The following GTF2I variants were observed in gnomAD, a reference collection of about 807,000 sequenced individuals.
The protein encoded by GTF2I is general transcription factor IIi.
GTF2I carries 12 observed loss-of-function variants against 67.6 expected under a neutral mutation model. The observed-to-expected ratio is 0.18, with a 90% CI of 0.11 to 0.29. The LOEUF (loss-of-function observed/expected upper bound fraction) is 0.29, where lower values mean the gene tolerates loss of function less well. Among genes scored for constraint, GTF2I ranks in the 10% least tolerant of loss-of-function variants. The pLI, the probability that GTF2I is intolerant of heterozygous loss-of-function variation, is 1.00. For missense variants in GTF2I, 271 were observed against 580.1 expected, an observed-to-expected ratio of 0.47 and a Z score of 5.47; for synonymous variants, 149 against 197.0, an observed-to-expected ratio of 0.76 and a Z score of 2.04.
chr7:74,680,641 C>A (rs1388666884), intron 1 of GTF2I, among the ~76,000 whole-genome samples: 2 of 152,040 alleles, frequency 1.3e-5, no homozygotes, highest in African/African-American at 4.8e-5. Flanking sequence ...AGTAGGGATG[C>A]TGAGGTGGGA....
Position 74,714,916 on chromosome 7 carries a change from G to A in GTF2I, c.823G>A (p.Gly275Arg), listed in dbSNP as rs1284748851. The change falls in exon 10 of 35, where the codon GGA (glycine) becomes AGA (arginine). Residue 275 changes from glycine to arginine, a missense_variant and splice_region_variant. This residue lies in a region of GTF2I where 124 missense variants were observed against 147.0 expected (regional missense o/e 0.84). Transcript: ENST00000573035. ...EKQPLSKPLQ[G>R]SHHSSEGNEG... Reference sequence around the variant, plus strand: ...ACAGCCCCTATCGAAGCCTTTGCAAGGTATAATCTTTTCACTTCCATTCTC... The same window carrying A: ...ACAGCCCCTATCGAAGCCTTTGCAAAGTATAATCTTTTCACTTCCATTCTC... 6.3e-7 allele frequency: 1 copy of A among 1,587,714 alleles called. No homozygotes were observed. The highest frequency in any genetic ancestry group is 1.4e-5 in the African/African-American group (1 of 74,016).
chr7:74,659,028 G>A (rs77800726), intron 1 of GTF2I, among the ~76,000 whole-genome samples: 5,768 of 152,160 alleles, frequency 0.038, 170 homozygotes, highest in Middle Eastern at 0.11. Flanking sequence ...GTGGGGTGCT[G>A]TTGGAGTAGT....
chr7:74,658,557 G>T (rs1584041430), intron 1 of GTF2I, among the ~76,000 whole-genome samples: 1 of 150,178 alleles, frequency 6.7e-6, no homozygotes, highest in African/African-American at 2.4e-5. Context: ...GGTCGCGCTC[G>T]CCTGGTGTAT....
At chr7:74,683,746 G>A (rs1472210380) in intron 1 of GTF2I, among the ~76,000 whole-genome samples, 23 of 151,968 alleles carry the variant, frequency 1.5e-4, no homozygotes, top group African/African-American at 5.3e-4. Context: ...CCAGCTACTC[G>A]GGAGGCAGAG....
At position 74,720,172 on chromosome 7, in the gene GTF2I, C is replaced by A. The variant is rs587775339; in HGVS notation, c.943+1231C>A. ...ACACAGATGCTTTCAGCATACATTA[C>A]AATGCACATTTTAAAATATTACATA... On this transcript the variant is annotated intron_variant, in intron 12 of 34. Transcript: ENST00000573035. Among the ~76,000 whole-genome samples, 6 of 152,330 alleles carry A rather than the reference C, an allele frequency of 3.9e-5. No homozygotes were observed. In the South Asian group the frequency reaches 1.0e-3, roughly 26 times the overall value.
At chr7:74,705,102 T>A in intron 6 of GTF2I, 62 bp from the exon 7 acceptor site, 1 of 990,564 alleles carries the variant, frequency 1.0e-6, no homozygotes, top group South Asian at 1.3e-5. Flanking sequence ...ATTTAAAGCC[T>A]TTAGACATAT....
At chr7:74,683,991 G>T (rs1333090400) in intron 1 of GTF2I, among the ~76,000 whole-genome samples, 15 of 151,486 alleles carry the variant, frequency 9.9e-5, no homozygotes, top group African/African-American at 3.6e-4. Flanking sequence ...TCTGAGTTTT[G>T]ATGTGTCATG....
At chr7:74,708,591 CT>C in intron 8 of GTF2I, among the ~76,000 whole-genome samples, 1 of 152,086 alleles carries the variant, frequency 6.6e-6, no homozygotes, top group East Asian at 1.9e-4. Flanking sequence ...AAGGAGTGAC[CT>C]TTTTGGGATG....
At chr7:74,706,107 A>G (rs1554401335) in intron 7 of GTF2I, among the ~76,000 whole-genome samples, 1 of 151,764 alleles carries the variant, frequency 6.6e-6, no homozygotes, top group Non-Finnish European at 1.5e-5. Flanking sequence ...TTTAGTAGAG[A>G]TGAGGTTTCA....
rs1788866552 is a variant in GTF2I at position 74,696,081 on chromosome 7, T to C, written c.239-2880T>C. ...ATCTTGGCTCACTGCAACCTCAGCC[T>C]CCCAGGTTCAAGCGATTCTTCTGTC... is the stretch of plus-strand genomic sequence containing the variant. On this transcript the variant is annotated intron_variant, in intron 3 of 34. Transcript: ENST00000573035. Among the ~76,000 whole-genome samples the C allele has an allele frequency of 2.0e-5, 3 of 151,752 alleles. No homozygotes were observed. The South Asian group carries it at 6.3e-4, about 32-fold the overall frequency.
At chr7:74,658,495 G>A (rs1554384757) in intron 1 of GTF2I, among the ~76,000 whole-genome samples, 2 of 148,698 alleles carry the variant, frequency 1.3e-5, no homozygotes, top group African/African-American at 4.9e-5. Flanking sequence ...GCGCTGATTG[G>A]CCGGCTAGGC....
chr7:74,711,109 G>A lies in GTF2I; in HGVS notation c.763G>A (p.Ala255Thr). 1 of 1,310,210 alleles carries A rather than the reference G, an allele frequency of 7.6e-7. No individual in the cohort carries two copies. The highest frequency in any genetic ancestry group is 2.5e-5 in the East Asian group (1 of 40,044). The allele number at this position is 1,310,210 out of a possible 1,614,324, so 81.2% of individuals were successfully genotyped here. ...DPDYYQYNIQ[A>T]GPSETDDVDE... ...TGATTATTATCAATATAACATTCAA[G>A]GTAATTTGAATTAATGCAATTTTTC... Residue 255 changes from alanine (A) to threonine (T), a missense_variant and splice_region_variant, in exon 9 of 35, where the codon GCA (alanine) becomes ACA (threonine). Around this residue, in one of 9 missense-constraint regions of GTF2I, gnomAD observed 124 missense variants for 147.0 expected, o/e 0.84. Coordinates refer to ENST00000573035, the MANE Select transcript of GTF2I (RefSeq NM_032999.4).
chr7:74,692,919 C>T (rs1287533276), intron 3 of GTF2I, among the ~76,000 whole-genome samples: 2 of 152,096 alleles, frequency 1.3e-5, no homozygotes, highest in East Asian at 1.9e-4. Context: ...TGCACCACCA[C>T]ACCCAGCTAG....
At chr7:74,717,035 T>G in intron 11 of GTF2I, 85 bp downstream of exon 11, 3 of 1,503,712 alleles carry the variant, frequency 2.0e-6, no homozygotes, top group Non-Finnish European at 2.7e-6. Context: ...TTAAAACACC[T>G]TATTTGGAAA....
At chr7:74,695,617 A>C (rs1554398165) in intron 3 of GTF2I, among the ~76,000 whole-genome samples, 1 of 152,066 alleles carries the variant, frequency 6.6e-6, no homozygotes, top group East Asian at 1.9e-4. Context: ...TTGTATTTTT[A>C]GTTTGTTTTA....
chr7:74,685,829 GGATCAT>G (rs1201903964), intron 1 of GTF2I, among the ~76,000 whole-genome samples: 9 of 151,778 alleles, frequency 5.9e-5, no homozygotes, highest in Non-Finnish European at 1.3e-4. Context: ...CGAGGCGGGC[GGATCAT>G]GAGGTCAGGA....
At chr7:74,662,768 C>T (rs587598407) in intron 1 of GTF2I, among the ~76,000 whole-genome samples, 7 of 152,060 alleles carry the variant, frequency 4.6e-5, no homozygotes, top group East Asian at 1.9e-4. Context: ...GTGATCTGCC[C>T]GCCTAGGCCT....
At chr7:74,689,865 G>A (rs587696426) in intron 2 of GTF2I, among the ~76,000 whole-genome samples, 8 of 152,170 alleles carry the variant, frequency 5.3e-5, no homozygotes, top group Non-Finnish European at 8.8e-5. Context: ...GCAGGTGTGC[G>A]CCACCACGCT....
chr7:74,691,147 A>G, intron 3 of GTF2I, 36 bp downstream of exon 3: 1 of 1,395,894 alleles, frequency 7.2e-7, no homozygotes, highest in Non-Finnish European at 1.0e-6. Context: ...CATTTCATTA[A>G]TTTTAAGCCT....
Sources: allele counts gnomAD v4.1 joint callset (sites outside exome capture counted in the v4.1 genomes callset), GRCh38; gene constraint gnomAD v4.1.1; regional missense constraint gnomAD v4.1.1; transcripts MANE v1.5; gene names NCBI Gene and HGNC (gene_info 2026-07-23, HGNC 2026-07-21).